Variants in U2SURP observed in about 807,000 individuals in gnomAD.
U2SURP encodes U2 snRNP associated SURP domain containing.
In U2SURP, 9 loss-of-function variants were observed where a neutral mutation model predicts 144.9. That is an observed-to-expected ratio of 0.06 (90% confidence interval 0.04 to 0.11). U2SURP has a LOEUF of 0.11. Ranked by LOEUF, U2SURP falls within the 10% of genes least tolerant of loss-of-function variation. The pLI is 1.00. For synonymous variants in U2SURP, 408 were observed against 396.8 expected (o/e 1.03, Z -0.33); for missense variants, 724 against 1,226.7 (o/e 0.59, Z 6.12).
intron 13 of U2SURP, chr3:143,024,636 T>C (rs1479167527): frequency 3.3e-6 from 1 of 305,160 alleles, no homozygotes; most frequent in Non-Finnish European, 6.4e-6. Context: ...GTAGGTATGC[T>C]CTTGCTCAGT....
At chr3:143,025,919 T>G (rs889650198) in intron 13 of U2SURP, 7 of 152,184 alleles carry the variant, frequency 4.6e-5, no homozygotes, top group Non-Finnish European at 7.4e-5. Context: ...AAATAGGGCA[T>G]TATAGAGCCA....
chr3:143,021,678 G>C, intron 10 of U2SURP, 123 bp downstream of exon 10: 1 of 949,362 alleles, frequency 1.1e-6, no homozygotes, highest in Non-Finnish European at 1.6e-6. Flanking sequence ...AGTCTTTAGA[G>C]TTGTCTTACT....
chr3:143,011,543 A>G (rs182881896), intron 2 of U2SURP, among the ~76,000 whole-genome samples: 31 of 152,236 alleles, frequency 2.0e-4, no homozygotes, highest in Admixed American at 1.8e-3. Context: ...GAGGTACAAA[A>G]GCATTTGGTG....
intron 13 of U2SURP, among the ~76,000 whole-genome samples, chr3:143,025,405 C>T (rs779045173): frequency 9.2e-5 from 14 of 152,126 alleles, no homozygotes; most frequent in Non-Finnish European, 1.9e-4. Context: ...CAATTTTCCT[C>T]TATCTTAAAT....
At chr3:143,041,664 C>T (rs1028027481) in intron 23 of U2SURP, among the ~76,000 whole-genome samples, 2 of 151,854 alleles carry the variant, frequency 1.3e-5, no homozygotes, top group Non-Finnish European at 2.9e-5. Flanking sequence ...TTACATAAGA[C>T]TTTAATTAAA....
At chr3:143,016,181 T>C (rs1241421206) in intron 4 of U2SURP, 76 bp from the exon 5 acceptor site, 11 of 1,317,326 alleles carry the variant, frequency 8.4e-6, no homozygotes, top group Non-Finnish European at 1.2e-5. Flanking sequence ...GTCCATATTA[T>C]TCCTTGATGA....
chr3:143,013,607 G>A (rs1008272061), intron 3 of U2SURP, among the ~76,000 whole-genome samples: 1 of 151,960 alleles, frequency 6.6e-6, no homozygotes, highest in Non-Finnish European at 1.5e-5. Flanking sequence ...AATCAAATGA[G>A]TAACTGACTG....
intron 24 of U2SURP, among the ~76,000 whole-genome samples, chr3:143,047,103 A>C (rs1490694382): frequency 3.3e-5 from 3 of 91,772 alleles, no homozygotes; most frequent in East Asian, 3.8e-4. Context: ...GGGGCTCCTC[A>C]CTTCCCAGTA....
intron 24 of U2SURP, among the ~76,000 whole-genome samples, chr3:143,048,571 A>G (rs1053173232): frequency 6.6e-6 from 1 of 152,194 alleles, no homozygotes; most frequent in African/African-American, 2.4e-5. Context: ...GAGCTTTGAA[A>G]GAAGAGAAGG....
intron 18 of U2SURP, 56 bp downstream of exon 18, chr3:143,033,406 T>G: frequency 1.0e-6 from 1 of 954,234 alleles, no homozygotes; most frequent in Admixed American, 2.3e-5. Flanking sequence ...GGGTAAGGAG[T>G]TCAGAAAAGA....
chr3:143,033,330 T>C lies in U2SURP; in HGVS notation c.1833T>C (p.Asn611=). 1 of 1,530,944 alleles carries C rather than the reference T, an allele frequency of 6.5e-7. No homozygotes were observed. The highest frequency in any genetic ancestry group is 1.2e-5 in the South Asian group (1 of 83,376). 94.8% of individuals were successfully genotyped at this position (1,530,944 alleles called of 1,614,324 possible). ...ACAACTCTTCAGCCAAAGTTGCTAA[T>C]GCTTCATATTATAGAAAATTGTAAG... The part of the protein sequence containing the change: ...VLYNSSAKVA[N]ASYYRKFFET... Residue 611 remains asparagine (N), a synonymous_variant, in exon 18 of 28, where the codon AAT becomes AAC. Coordinates refer to ENST00000473835, the MANE Select transcript of U2SURP (RefSeq NM_001080415.2).
chr3:143,005,209 A>G (rs1935776204), intron 1 of U2SURP, among the ~76,000 whole-genome samples: 1 of 151,756 alleles, frequency 6.6e-6, no homozygotes, highest in South Asian at 2.1e-4. Flanking sequence ...AAAACAAAAT[A>G]CTACAGGCTT....
chr3:143,033,231 C>T, intron 17 of U2SURP, 40 bp from the exon 18 acceptor site: 1 of 1,228,492 alleles, frequency 8.1e-7, no homozygotes, highest in Non-Finnish European at 1.2e-6. Flanking sequence ...AAACATTAGC[C>T]TTATATTAAC....
intron 22 of U2SURP, 72 bp downstream of exon 22, chr3:143,038,275 T>C: frequency 8.6e-7 from 1 of 1,159,098 alleles, no homozygotes; most frequent in Non-Finnish European, 1.2e-6. Context: ...CTTGTATATA[T>C]GTTTTCCTTT....
chr3:143,053,590 C>T, intron 25 of U2SURP, 86 bp from the exon 26 acceptor site: 10 of 917,958 alleles, frequency 1.1e-5, no homozygotes, highest in East Asian at 2.9e-5. Flanking sequence ...AAATTATTTC[C>T]TGTAAGAGAA....
At chr3:143,003,424 T>C (rs1202234243) in intron 1 of U2SURP, among the ~76,000 whole-genome samples, 2 of 152,188 alleles carry the variant, frequency 1.3e-5, no homozygotes, top group African/African-American at 4.8e-5. Context: ...GCTTAAACTC[T>C]GGAGCCTCAA....
intron 6 of U2SURP, 44 bp from the exon 7 acceptor site, chr3:143,019,925 G>A (rs1936554346): frequency 1.8e-6 from 2 of 1,132,228 alleles, no homozygotes; most frequent in African/African-American, 3.2e-5. Flanking sequence ...CATTGGTTTT[G>A]CTTATCCTTT....
At chr3:143,021,995 A>G (rs1376326220) in intron 10 of U2SURP, among the ~76,000 whole-genome samples, 3 of 152,190 alleles carry the variant, frequency 2.0e-5, no homozygotes, top group African/African-American at 4.8e-5. Flanking sequence ...ATAATATGCT[A>G]TTATTAAAAA....
intron 12 of U2SURP, among the ~76,000 whole-genome samples, chr3:143,023,733 G>A (rs1249423156): frequency 6.6e-6 from 1 of 151,232 alleles, no homozygotes; most frequent in African/African-American, 2.4e-5. Context: ...TCAGTGCATT[G>A]ATGTGCATTC....
Sources: allele counts gnomAD v4.1 joint callset (sites outside exome capture counted in the v4.1 genomes callset), GRCh38; gene constraint gnomAD v4.1.1; transcripts MANE v1.5; gene names NCBI Gene and HGNC (gene_info 2026-07-23, HGNC 2026-07-21).